The following COL4A5 variants were observed in gnomAD, a reference collection of about 807,000 sequenced individuals.
COL4A5 encodes the protein collagen type IV alpha 5 chain, also known as collagen alpha-5(IV) chain.
COL4A5 carries 26 observed loss-of-function variants against 130.2 expected under a neutral mutation model. The observed-to-expected ratio is 0.20, with a 90% CI of 0.15 to 0.28. COL4A5 has a LOEUF of 0.28. COL4A5 is among the 10% of genes least tolerant of loss of function. COL4A5 has a pLI of 1.00. For missense variants in COL4A5, 1,131 were observed against 1,344.3 expected (o/e 0.84, Z 2.48); for synonymous variants, 496 against 439.6 (o/e 1.13, Z -1.60).
intron 1 of COL4A5, among the ~76,000 whole-genome samples, chrX:108,526,637 T>C (rs1411102832): frequency 1.5e-5 from 1 of 68,004 alleles, no homozygotes; most frequent in Admixed American, 1.6e-4. Context: ...TCTTTCTTTC[T>C]TTCTTTCTTT....
chrX:108,681,873 C>T lies in COL4A5; in HGVS notation c.4201C>T (p.Pro1401Ser). ...GLKGLPGPQG[P>S]QGLPGPTGPP... ...AAAGGGTCTACCAGGACCCCAAGGA[C>T]CTCAAGGCTTACCAGGTACCAATGC... The change falls in exon 47 of 53, where the codon CCT (proline) becomes TCT (serine). Residue 1401 changes from proline to serine, a missense_variant. Transcript: ENST00000328300. 1 of 1,209,161 alleles carries T rather than the reference C, an allele frequency of 8.3e-7. No homozygotes were observed.
chrX:108,604,672 T>C (rs2066699019), intron 28 of COL4A5, among the ~76,000 whole-genome samples: 1 of 112,344 alleles, frequency 8.9e-6, no homozygotes, highest in African/African-American at 3.2e-5. Flanking sequence ...TTTGAAGCTT[T>C]GAAACCAGTA....
intron 2 of COL4A5, among the ~76,000 whole-genome samples, chrX:108,551,820 T>C (rs944740602): frequency 3.6e-5 from 4 of 111,741 alleles, no homozygotes; most frequent in African/African-American, 1.3e-4. Flanking sequence ...TAGATGCCCA[T>C]CAGTGGTGGA....
chrX:108,617,707 A>T (rs2066956138), intron 30 of COL4A5, among the ~76,000 whole-genome samples: 1 of 111,844 alleles, frequency 8.9e-6, no homozygotes, highest in Non-Finnish European at 1.9e-5. Context: ...GTCTTACTGA[A>T]TTTTTTTAGA....
At position 108,519,732 on chromosome X, in the gene COL4A5, T is replaced by A. The variant is rs1188833292; in HGVS notation, c.82-20014T>A. Among the ~76,000 whole-genome samples the A allele has an allele frequency of 2.7e-5, 3 of 111,359 alleles. No homozygotes were observed. The Admixed American group carries it at 2.9e-4, about 11-fold the overall frequency. ...ATTTCTTTTATTCCTGTAATACATT[T>A]CTTATACTATTTGGGTTTTTCTTAA... On this transcript the variant is annotated intron_variant, in intron 1 of 52. Transcript: ENST00000328300.
chrX:108,485,677 C>T (rs973875523), intron 1 of COL4A5, among the ~76,000 whole-genome samples: 5 of 109,852 alleles, frequency 4.6e-5, no homozygotes, highest in African/African-American at 1.7e-4. Context: ...GAGCTAGTAC[C>T]CCAGACACAG....
At chrX:108,696,196 C>A in intron 52 of COL4A5, 101 bp from the exon 53 acceptor site, 3 of 657,616 alleles carry the variant, frequency 4.6e-6, no homozygotes, top group Non-Finnish European at 7.6e-6. Context: ...ACCAAGAGAG[C>A]TACTTAACAC....
intron 1 of COL4A5, among the ~76,000 whole-genome samples, chrX:108,504,005 T>C (rs1422283934): frequency 1.8e-5 from 2 of 112,104 alleles, no homozygotes; most frequent in African/African-American, 6.5e-5. Context: ...ACTATAAGGC[T>C]ACAGTAATCC....
At chrX:108,542,174 A>G (rs978656600) in intron 2 of COL4A5, among the ~76,000 whole-genome samples, 2 of 111,415 alleles carry the variant, frequency 1.8e-5, no homozygotes, top group African/African-American at 6.6e-5. Flanking sequence ...TTTGTTACAT[A>G]TGTATACATG....
chrX:108,450,719 G>A lies in COL4A5; in HGVS notation c.81+10513G>A, dbSNP rs1210209868. On this transcript the variant is annotated intron_variant, in intron 1 of 52. Transcript: ENST00000328300. Reference sequence around the variant, plus strand: ...GCTCTGCATAGGTCAGTGAACTAATGTTTTCCAAATGACTAATACACAGTG... The same window carrying A: ...GCTCTGCATAGGTCAGTGAACTAATATTTTCCAAATGACTAATACACAGTG... 3.6e-5 allele frequency among the ~76,000 whole-genome samples: 4 copies of A among 111,298 alleles called. No homozygotes were observed. The East Asian group carries it at 1.1e-3, about 31-fold the overall frequency.
chrX:108,562,436 T>A (rs2065910719), intron 3 of COL4A5, among the ~76,000 whole-genome samples: 1 of 112,177 alleles, frequency 8.9e-6, no homozygotes, highest in Non-Finnish European at 1.9e-5. Flanking sequence ...TTAAAATAAG[T>A]TACCTAAATT....
intron 1 of COL4A5, among the ~76,000 whole-genome samples, chrX:108,517,027 A>G (rs1319239610): frequency 8.9e-6 from 1 of 111,826 alleles, no homozygotes; most frequent in African/African-American, 3.2e-5. Flanking sequence ...AGTATATGTC[A>G]TATTATTTAT....
chrX:108,558,486 G>A (rs1962396495), intron 2 of COL4A5, among the ~76,000 whole-genome samples: 1 of 111,111 alleles, frequency 9.0e-6, no homozygotes, highest in Admixed American at 9.6e-5. Flanking sequence ...GATGATAAAG[G>A]CTGCGGTTAG....
At chrX:108,657,713 C>G (rs377120886) in intron 37 of COL4A5, among the ~76,000 whole-genome samples, 8 of 110,954 alleles carry the variant, frequency 7.2e-5, no homozygotes, top group Admixed American at 1.9e-4. Context: ...TTAAATTTAT[C>G]TCTGGAAATT....
rs376645146 is a variant in COL4A5, at chrX:108,539,417, T to C, written c.82-329T>C. 6.0e-4 allele frequency among the ~76,000 whole-genome samples: 67 copies of C among 112,036 alleles called. 3 individuals are homozygous for C. In the East Asian group the frequency reaches 8.1e-3, roughly 14 times the overall value. ...GTGAATATATGTGCATGGGTTTTTG[T>C]TGTTGTAAGTAGAAGATGGTGTAGC... is the stretch of plus-strand genomic sequence containing the variant. On this transcript the variant is annotated intron_variant, in intron 1 of 52. Transcript: ENST00000328300.
chrX:108,665,007 A>G (rs2068047283), intron 37 of COL4A5, among the ~76,000 whole-genome samples: 1 of 112,126 alleles, frequency 8.9e-6, no homozygotes, highest in African/African-American at 3.2e-5. Context: ...CACAACATAT[A>G]CCTACTTTTT....
chrX:108,696,513 T>A lies in COL4A5; in HGVS notation c.*135T>A. The A allele has an allele frequency of 4.4e-6, 2 of 457,540 alleles. No homozygotes were observed. The highest frequency in any genetic ancestry group is 7.0e-5 in the Admixed American group (2 of 28,749). The allele number at this position is 457,540 out of a possible 1,213,427, so 37.7% of individuals were successfully genotyped here. ...GCTACTATATATGATCAAGATAACATGCTGACTAGTAACCATGAAGATTCA... is the reference window on the plus strand; with the variant it reads ...GCTACTATATATGATCAAGATAACAAGCTGACTAGTAACCATGAAGATTCA... On this transcript the variant is annotated 3_prime_UTR_variant, in exon 53 of 53. Transcript: ENST00000328300.
At chrX:108,509,703 G>C (rs2065162462) in intron 1 of COL4A5, among the ~76,000 whole-genome samples, 1 of 111,890 alleles carries the variant, frequency 8.9e-6, no homozygotes, top group Non-Finnish European at 1.9e-5. Flanking sequence ...ATACACTGTT[G>C]GTGGGTCTGT....
intron 36 of COL4A5, among the ~76,000 whole-genome samples, chrX:108,650,416 C>T (rs2067700728): frequency 9.0e-6 from 1 of 111,151 alleles, no homozygotes; most frequent in African/African-American, 3.3e-5. Context: ...AGCAATCCCA[C>T]TACTGGGTAT....
Sources: gnomAD v4.1 joint callset for allele counts (sites outside exome capture counted in the v4.1 genomes callset) on GRCh38, gnomAD v4.1.1 for gene constraint, MANE v1.5 for transcripts, NCBI Gene and HGNC (gene_info 2026-07-23, HGNC 2026-07-21) for gene names.